The following PLEC variants were observed in gnomAD, a reference collection of about 807,000 sequenced individuals.
PLEC encodes the protein plectin.
A neutral mutation model predicts 392.8 loss-of-function variants in PLEC; 216 were observed. The ratio of observed to expected loss-of-function variants is 0.55; its 90% CI spans 0.49 to 0.62. The LOEUF is 0.62. Ranked by LOEUF, PLEC falls within the 20% of genes least tolerant of loss-of-function variation. The pLI is 0.00. For synonymous variants in PLEC, 3,621 were observed against 2,980.6 expected (o/e 1.21, Z -7.00); for missense variants, 6,863 against 6,563.4 (o/e 1.05, Z -1.58).
chr8:143,933,223 G>A lies in PLEC; in HGVS notation c.1392C>T (p.His464=), dbSNP rs1554719101. Residue 464 remains histidine, a synonymous_variant, in exon 13 of 32, where the codon CAC becomes CAT. Coordinates refer to ENST00000345136, the MANE Select transcript of PLEC (RefSeq NM_201384.3). ...NDVQTLKDGR[H]PQGEQMYRRV... ...TGCGGTACATCTGCTCGCCCTGCGG[G>A]TGCCGTCCATCCTTGAGGGTCTGCA... 1.2e-6 allele frequency: 2 copies of A among 1,612,912 alleles called. No individual in the cohort carries two copies. The highest frequency in any genetic ancestry group is 1.7e-5 in the Admixed American group (1 of 60,014).
At chr8:143,942,886 G>A (rs1185856995), upstream of PLEC, among the ~76,000 whole-genome samples, 1 of 152,224 alleles carries the variant, frequency 6.6e-6, no homozygotes, top group Admixed American at 6.5e-5. Flanking sequence ...AGGCAGAACC[G>A]AGGAGCTGAG....
At chr8:143,966,424 A>G (rs1291677723) in intron 1 of PLEC, among the ~76,000 whole-genome samples, 1 of 152,148 alleles carries the variant, frequency 6.6e-6, no homozygotes. Context: ...GATTTTATGC[A>G]CCCAAGGCTA....
chr8:143,959,973 C>T (rs577116272), intron 1 of PLEC, among the ~76,000 whole-genome samples: 102 of 148,506 alleles, frequency 6.9e-4, no homozygotes, highest in Admixed American at 2.1e-3. Flanking sequence ...AGTGAGACTC[C>T]GTCTCAAAAA....
chr8:143,931,646 A>G lies in PLEC; in HGVS notation c.2192T>C (p.Val731Ala), dbSNP rs1554715592. Residue 731 changes from valine (V) to alanine (A), a missense_variant, in exon 19 of 32, where the codon GTG (valine) becomes GCG (alanine). Transcript: ENST00000345136. ...NAAYFQFFSD[V>A]REAEGQLQKL... is the part of the protein sequence containing the mutation. Reference sequence around the variant, plus strand: ...CTGCAACTGCCCCTCGGCCTCCCGCACATCTGAGAAGAACTGGGGCAGCGG... The same window carrying G: ...CTGCAACTGCCCCTCGGCCTCCCGCGCATCTGAGAAGAACTGGGGCAGCGG... The G allele has an allele frequency of 2.5e-6, 4 of 1,600,286 alleles. No individual in the cohort carries two copies. The highest frequency in any genetic ancestry group is 2.3e-5 in the East Asian group (1 of 44,430).
intron 10 of PLEC, 35 bp downstream of exon 10, chr8:143,934,600 A>G: frequency 6.2e-7 from 1 of 1,605,438 alleles, no homozygotes; most frequent in East Asian, 2.2e-5. Flanking sequence ...GGGGCGTTCC[A>G]GGACACCACC....
chr8:143,938,297 G>C (rs1179201503), intron 2 of PLEC, 57 bp from the exon 3 acceptor site: 14 of 1,539,110 alleles, frequency 9.1e-6, no homozygotes, highest in Non-Finnish European at 1.2e-5. Context: ...AATAGGCCCT[G>C]AGTGGCTGAT....
At position 143,924,188 on chromosome 8, in the gene PLEC, T is replaced by C. The variant is rs782280540; in HGVS notation, c.5741A>G (p.Glu1914Gly). 2.5e-6 allele frequency: 4 copies of C among 1,598,920 alleles called. No homozygotes were observed. In the Admixed American group the frequency reaches 5.0e-5, roughly 20 times the overall value. ...SELERQKGLV[E>G]DTLRQRRQVE... ...CTGCCGCCGCTGCCTCAGCGTGTCC[T>C]CCACCAGCCCCTTCTGCCGCTCCAG... Residue 1914 changes from glutamate (E) to glycine (G), a missense_variant, in exon 31 of 32, where the codon GAG becomes GGG. Physicochemically the swap from Glu to Gly is moderately conservative, Grantham distance 98 (BLOSUM62 -2). Transcript: ENST00000345136.
At position 143,922,828 on chromosome 8, in the gene PLEC, C is replaced by T. The variant is rs202132558; in HGVS notation, c.7101G>A (p.Thr2367=). The T allele has an allele frequency of 1.7e-4, 268 of 1,583,658 alleles. 1 individual carries two copies. The African/African-American group carries it at 3.1e-3, about 18-fold the overall frequency. The change falls in exon 31 of 32, where the codon ACG becomes ACA. Residue 2367 remains threonine (T), a synonymous_variant. Transcript: ENST00000345136. ...GCTGCCGCTGCCGCTCGGCCTCCAG[C>T]GTCCGCTGGAAGCCCTGCGTCTCCT... ...LAEETQGFQR[T]LEAERQRQLE... is the part of the protein sequence containing the mutation.
At position 143,934,678 on chromosome 8, in the gene PLEC, T is replaced by C; in HGVS notation, c.998A>G (p.Glu333Gly). ...KFKEMELPAK[E>G]ADKNRSKGIY... ...GCCCTTGGACCTGTTCTTGTCGGCC[T>C]CCTTGGCTGGTAGCTCCATCTCCTT... is the stretch of plus-strand genomic sequence containing the variant. Residue 333 changes from glutamate to glycine, a missense_variant, in exon 10 of 32, where the codon GAG becomes GGG. Physicochemically the swap from Glu to Gly is moderately conservative, Grantham distance 98. Coordinates refer to ENST00000345136, the MANE Select transcript of PLEC (RefSeq NM_201384.3). 1 of 1,613,114 alleles carries C rather than the reference T, an allele frequency of 6.2e-7. No homozygotes were observed. The highest frequency in any genetic ancestry group is 8.5e-7 in the Non-Finnish European group (1 of 1,179,942).
chr8:143,918,811 G>A lies in PLEC; in HGVS notation c.11010C>T (p.Thr3670=), dbSNP rs781878399. The A allele has an allele frequency of 2.5e-6, 4 of 1,613,086 alleles. No individual in the cohort carries two copies. The highest frequency in any genetic ancestry group is 2.7e-5 in the African/African-American group (2 of 74,932). ...CCTCGAGAGCCTCACGGAGGCTCCTGGTGCCCTCCCGGAGCAGGTTGTAGG... is the reference window on the plus strand; with the variant it reads ...CCTCGAGAGCCTCACGGAGGCTCCTAGTGCCCTCCCGGAGCAGGTTGTAGG... ...LETYNLLREG[T]RSLREALEAE... The change falls in exon 32 of 32, where the codon ACC becomes ACT. Residue 3670 remains threonine (T), a synonymous_variant. Coordinates refer to ENST00000345136, the MANE Select transcript of PLEC (RefSeq NM_201384.3).
At chr8:143,950,522 C>T (rs782381528) in exon 1 of PLEC, 21 of 1,607,326 alleles carry the variant, frequency 1.3e-5, no homozygotes, top group East Asian at 2.2e-5. Flanking sequence ...AAAGGTCTCG[C>T]GGACCAGGCC....
In PLEC at chr8:143,919,598, T is replaced by C; in HGVS notation, c.10223A>G (p.Tyr3408Cys). 2 of 1,594,362 alleles carry C rather than the reference T, an allele frequency of 1.3e-6. No homozygotes were observed. The highest frequency in any genetic ancestry group is 1.7e-6 in the Non-Finnish European group (2 of 1,172,694). ...GCCCGCCTTCACGGCCTCGTGGACA[T>C]ACAGGCGCTGGTTCCGCACGGGGTC... ...LVDPVRNQRL[Y>C]VHEAVKAGVV... is the part of the protein sequence containing the mutation. The change falls in exon 32 of 32, where the codon TAT becomes TGT. Residue 3408 changes from tyrosine (Y) to cysteine (C), a missense_variant. Transcript: ENST00000345136.
At chr8:143,968,938 G>A (rs1304455203) in intron 1 of PLEC, among the ~76,000 whole-genome samples, 1 of 152,158 alleles carries the variant, frequency 6.6e-6, no homozygotes, top group Non-Finnish European at 1.5e-5. Context: ...GCTTTAGGAA[G>A]CAATCTGGCA....
chr8:143,960,707 G>A (rs541918643), intron 1 of PLEC, among the ~76,000 whole-genome samples: 22 of 152,090 alleles, frequency 1.4e-4, no homozygotes, highest in African/African-American at 4.3e-4. Flanking sequence ...AAATATTCAC[G>A]TGACTCAAAC....
intron 1 of PLEC, among the ~76,000 whole-genome samples, chr8:143,945,918 A>C (rs1831398893): frequency 6.6e-6 from 1 of 152,258 alleles, no homozygotes; most frequent in Non-Finnish European, 1.5e-5. Flanking sequence ...GGGCCCAGGC[A>C]GCCCTGAGGG....
chr8:143,916,245 C>G lies in PLEC; in HGVS notation c.13576G>C (p.Gly4526Arg). ...TFSSSSYSSSGYGRRYASGSS... is the reference protein window; with the variant it reads ...TFSSSSYSSSRYGRRYASGSS... ...CCCGAGGCGTAGCGGCGGCCGTAGC[C>G]CGAGGAGGAGTAGGAGGATGAAGAG... Residue 4526 changes from glycine (G) to arginine (R), a missense_variant, in exon 32 of 32, where the codon GGC becomes CGC. Transcript: ENST00000345136. 6.5e-7 allele frequency: 1 copy of G among 1,547,176 alleles called. No homozygotes were observed. Among genetic ancestry groups the G allele is most frequent in the South Asian group, 1.2e-5 (1 of 84,516 alleles).
At chr8:143,965,127 G>A (rs932036504) in intron 1 of PLEC, among the ~76,000 whole-genome samples, 7 of 152,028 alleles carry the variant, frequency 4.6e-5, no homozygotes, top group Admixed American at 2.6e-4. Context: ...CCCTGATGCC[G>A]TCCTGGGGCC....
In PLEC at chr8:143,969,796, G is replaced by T. The variant is rs1445558157; in HGVS notation, c.70+3607C>A. ...TTGTCATGTTAGGGATGGGAGTGGG[G>T]CTTAGGGGTGCTGTGAGGTGGTCCT... On this transcript the variant is annotated intron_variant, in intron 1 of 31. Coordinates refer to the PLEC transcript ENST00000356346. The surrounding 1 kb of genome is among the most constrained non-coding windows in gnomAD (Gnocchi z 5.1). Among the ~76,000 whole-genome samples the T allele has an allele frequency of 6.6e-6, 1 of 152,000 alleles. No individual in the cohort carries two copies. Among genetic ancestry groups the T allele is most frequent in the Admixed American group, 6.6e-5 (1 of 15,266 alleles).
At chr8:143,952,202 A>ACG (rs1832239313), upstream of PLEC, among the ~76,000 whole-genome samples, 3 of 125,716 alleles carry the variant, frequency 2.4e-5, no homozygotes, top group African/African-American at 1.0e-4. Context: ...ACACACACAC[A>ACG]CACACACGCG....
Sources: gnomAD v4.1 joint callset for allele counts (sites outside exome capture counted in the v4.1 genomes callset) on GRCh38, gnomAD v4.1.1 for gene constraint, Gnocchi (gnomAD v3.1) non-coding constraint, MANE v1.5 for transcripts, NCBI Gene and HGNC (gene_info 2026-07-23, HGNC 2026-07-21) for gene names.